Variants in CCDC191 observed in about 807,000 individuals in gnomAD.
The protein encoded by CCDC191 is coiled-coil domain containing 191.
Under a neutral mutation model 114.0 loss-of-function variants are expected in CCDC191, and 99 were observed. That is an observed-to-expected ratio of 0.87 (90% CI 0.74 to 1.03). CCDC191 has a LOEUF of 1.03. Ranked by LOEUF, CCDC191 falls within the 50% of genes least tolerant of loss-of-function variation. CCDC191 has a pLI of 0.00. For synonymous variants in CCDC191, 351 were observed against 376.0 expected (o/e 0.93, Z 0.77); for missense variants, 973 against 1,087.0 (o/e 0.90, Z 1.47).
chr3:114,008,327 CA>C (rs1577404963), intron 9 of CCDC191, among the ~76,000 whole-genome samples: 1 of 151,530 alleles, frequency 6.6e-6, no homozygotes, highest in South Asian at 2.1e-4. Flanking sequence ...GGGAAGGGAC[CA>C]AAATGTTACA....
intron 8 of CCDC191, among the ~76,000 whole-genome samples, chr3:114,012,956 G>A (rs966559404): frequency 9.4e-4 from 143 of 152,294 alleles, no homozygotes; most frequent in African/African-American, 3.3e-3. Context: ...GCGGGGATAT[G>A]AAAATGTAGT....
At chr3:113,971,541 G>T (rs1306049692) in intron 16 of CCDC191, among the ~76,000 whole-genome samples, 2 of 152,152 alleles carry the variant, frequency 1.3e-5, no homozygotes, top group East Asian at 1.9e-4. Context: ...CTTGATCATG[G>T]TGAATGTTCT....
chr3:113,967,157 C>A (rs1476616046), intron 16 of CCDC191, among the ~76,000 whole-genome samples: 1 of 152,092 alleles, frequency 6.6e-6, no homozygotes, highest in Non-Finnish European at 1.5e-5. Flanking sequence ...TACTTCATTG[C>A]TTGCTTTTAT....
chr3:113,967,711 G>T (rs1940354281), intron 16 of CCDC191, among the ~76,000 whole-genome samples: 1 of 152,048 alleles, frequency 6.6e-6, no homozygotes, highest in Non-Finnish European at 1.5e-5. Context: ...TCATCCTACT[G>T]ATCTATTGAA....
chr3:114,056,078 A>AG (rs1336430383), intron 1 of CCDC191, among the ~76,000 whole-genome samples: 4 of 152,032 alleles, frequency 2.6e-5, no homozygotes, highest in East Asian at 3.9e-4. Context: ...AATTTAAGGT[A>AG]GGGGGAACGG....
chr3:113,972,674 G>A (rs1031032752), intron 16 of CCDC191, among the ~76,000 whole-genome samples: 3 of 152,090 alleles, frequency 2.0e-5, no homozygotes, highest in Admixed American at 6.6e-5. Context: ...GCGTGTTGAA[G>A]TCCCCTATGA....
intron 2 of CCDC191, among the ~76,000 whole-genome samples, chr3:114,050,848 T>A (rs530697545): frequency 6.6e-6 from 1 of 152,316 alleles, no homozygotes; most frequent in Admixed American, 6.5e-5. Context: ...GAAAGCTCAA[T>A]CAAGTTACAG....
chr3:113,997,365 A>G (rs962455245), intron 13 of CCDC191, among the ~76,000 whole-genome samples: 4 of 152,228 alleles, frequency 2.6e-5, no homozygotes, highest in Non-Finnish European at 5.9e-5. Flanking sequence ...GATTACAGAT[A>G]GGTGTGTATA....
intron 9 of CCDC191, 136 bp from the exon 10 acceptor site, chr3:114,006,098 G>C: frequency 1.3e-6 from 1 of 799,700 alleles, no homozygotes; most frequent in Non-Finnish European, 2.1e-6. Context: ...CTGTGCTCCT[G>C]GCCTGGCTAC....
chr3:113,995,632 G>T (rs963179622), intron 13 of CCDC191, among the ~76,000 whole-genome samples: 2 of 152,188 alleles, frequency 1.3e-5, no homozygotes, highest in East Asian at 1.9e-4. Context: ...ATCGCTTTGG[G>T]TATATACCTA....
At chr3:113,990,602 C>T (rs569751761) in intron 13 of CCDC191, among the ~76,000 whole-genome samples, 2 of 151,396 alleles carry the variant, frequency 1.3e-5, no homozygotes, top group South Asian at 4.2e-4. Flanking sequence ...CCAAAACCTA[C>T]AGAAATAAAA....
intron 13 of CCDC191, among the ~76,000 whole-genome samples, chr3:114,000,785 G>C (rs1434774314): frequency 6.6e-6 from 1 of 151,894 alleles, no homozygotes; most frequent in East Asian, 1.9e-4. Flanking sequence ...CAAGTAGCTG[G>C]TGATTATAGG....
At chr3:114,007,873 G>A (rs555026823) in intron 9 of CCDC191, among the ~76,000 whole-genome samples, 2 of 151,724 alleles carry the variant, frequency 1.3e-5, no homozygotes, top group South Asian at 2.1e-4. Flanking sequence ...TGCTGTACAC[G>A]CTGGAAAAAG....
chr3:113,968,359 G>C, intron 16 of CCDC191, among the ~76,000 whole-genome samples: 1 of 152,112 alleles, frequency 6.6e-6, no homozygotes, highest in East Asian at 1.9e-4. Context: ...TTGTGGTTTT[G>C]ATTTGGATTT....
chr3:114,023,861 C>T (rs2076279298), intron 7 of CCDC191, among the ~76,000 whole-genome samples: 1 of 151,828 alleles, frequency 6.6e-6, no homozygotes, highest in South Asian at 2.1e-4. Context: ...CAAATGGGAT[C>T]TAATTAAACT....
intron 13 of CCDC191, among the ~76,000 whole-genome samples, chr3:113,989,567 G>A (rs1182953807): frequency 2.0e-5 from 3 of 151,984 alleles, no homozygotes; most frequent in Non-Finnish European, 2.9e-5. Context: ...ATAACCCATG[G>A]GACAATGAGG....
intron 9 of CCDC191, among the ~76,000 whole-genome samples, chr3:114,008,910 A>C (rs2076020071): frequency 6.6e-6 from 1 of 152,116 alleles, no homozygotes; most frequent in African/African-American, 2.4e-5. Flanking sequence ...TGTAGAGTGT[A>C]CTTACACAAA....
chr3:113,978,107 G>T, intron 16 of CCDC191, 79 bp downstream of exon 16: 9 of 1,511,186 alleles, frequency 6.0e-6, no homozygotes, highest in Non-Finnish European at 8.2e-6. Flanking sequence ...CATCTCTGCA[G>T]ACACATTGTA....
intron 1 of CCDC191, among the ~76,000 whole-genome samples, chr3:114,053,870 T>C (rs1468412650): frequency 2.0e-5 from 3 of 152,222 alleles, no homozygotes; most frequent in Non-Finnish European, 4.4e-5. Context: ...TAGGTCCACC[T>C]TGATATTGTG....
Sources: gnomAD v4.1 joint callset for allele counts (sites outside exome capture counted in the v4.1 genomes callset) on GRCh38, gnomAD v4.1.1 for gene constraint, MANE v1.5 for transcripts, NCBI Gene and HGNC (gene_info 2026-07-23, HGNC 2026-07-21) for gene names.